The following FRAS1 variants were observed in gnomAD, a reference collection of about 807,000 sequenced individuals.
The protein encoded by FRAS1 is extracellular matrix organizing protein FRAS1.
In FRAS1, 290 loss-of-function variants were observed where a neutral mutation model predicts 435.2. That is an observed-to-expected ratio of 0.67 (90% CI 0.61 to 0.73). FRAS1 has a LOEUF of 0.73. Ranked by LOEUF, FRAS1 falls within the 30% of genes least tolerant of loss-of-function variation. The probability of loss-of-function intolerance (pLI) is 0.00; values close to 1 mark genes in which losing one functional copy is unlikely to be tolerated. For missense variants in FRAS1, 4,860 were observed against 5,001.5 expected, an observed-to-expected ratio of 0.97 and a Z score of 0.85; for synonymous variants, 1,800 against 1,851.0, an observed-to-expected ratio of 0.97 and a Z score of 0.71.
At chr4:78,243,055 G>A (rs182555569) in intron 3 of FRAS1, among the ~76,000 whole-genome samples, 1 of 152,268 alleles carries the variant, frequency 6.6e-6, no homozygotes. Context: ...AAGGATTTCT[G>A]GAGAATATGT....
rs369764135 is a variant in FRAS1 at position 78,470,037 on chromosome 4, G to C, written c.7317G>C (p.Thr2439=). The C allele has an allele frequency of 9.9e-6, 16 of 1,613,568 alleles. No individual in the cohort carries two copies. Among genetic ancestry groups the C allele is most frequent in the Non-Finnish European group, 1.3e-5 (15 of 1,179,782 alleles). ...ACATCCTCCCGGTAGATGATGGCAC[G>C]CCTAGAATTGTCACCAACCTGGGAC... ...RVDILPVDDG[T]PRIVTNLGLQ... The change falls in exon 51 of 74, where the codon ACG becomes ACC. Residue 2439 remains threonine, a synonymous_variant. Coordinates refer to ENST00000512123, the MANE Select transcript of FRAS1 (RefSeq NM_025074.7).
chr4:78,367,313 G>A (rs1326510859), intron 22 of FRAS1, among the ~76,000 whole-genome samples: 1 of 151,886 alleles, frequency 6.6e-6, no homozygotes, highest in African/African-American at 2.4e-5. Context: ...TCTGAAGCAG[G>A]TTTGCTTGAG....
rs1441540493 is a variant in FRAS1, at chr4:78,544,051, T to C, written c.*2927T>C. The C allele has an allele frequency of 1.3e-5, 2 of 151,872 alleles. No homozygotes were observed. The highest frequency in any genetic ancestry group is 1.3e-4 in the Admixed American group (2 of 15,280). 9.4% of individuals were successfully genotyped at this position (151,872 alleles called of 1,614,324 possible). A position where few individuals can be genotyped will look rare whatever the true frequency, so the allele number is the denominator to read the frequency against. On this transcript the variant is annotated 3_prime_UTR_variant, in exon 74 of 74. Transcript: ENST00000512123. ...GTTGGAATGTGTTTGCACAGTCTTA[T>C]GATATTCAGTCTCAGTCTGCTATAG...
At chr4:78,164,042 T>C (rs1388529129) in intron 2 of FRAS1, among the ~76,000 whole-genome samples, 1 of 152,168 alleles carries the variant, frequency 6.6e-6, no homozygotes, top group Non-Finnish European at 1.5e-5. Context: ...TTGGGTTCAA[T>C]AAGCTGGCGA....
chr4:78,192,238 T>C (rs1465567838), intron 2 of FRAS1, among the ~76,000 whole-genome samples: 1 of 152,274 alleles, frequency 6.6e-6, no homozygotes, highest in African/African-American at 2.4e-5. Flanking sequence ...TGGTCTAAAA[T>C]TGTCTTTTTT....
At chr4:78,077,943 G>A (rs972427562) in intron 2 of FRAS1, among the ~76,000 whole-genome samples, 1 of 150,736 alleles carries the variant, frequency 6.6e-6, no homozygotes, top group Admixed American at 6.6e-5. Flanking sequence ...GAGAGAATGG[G>A]AAGAAAACTC....
chr4:78,178,433 C>G (rs1169609795), intron 2 of FRAS1, among the ~76,000 whole-genome samples: 1 of 152,174 alleles, frequency 6.6e-6, no homozygotes, highest in East Asian at 1.9e-4. Context: ...GTAGTGATAT[C>G]TCACATATAA....
chr4:78,114,740 G>C (rs1201668997), intron 2 of FRAS1, among the ~76,000 whole-genome samples: 4 of 152,200 alleles, frequency 2.6e-5, no homozygotes, highest in Non-Finnish European at 5.9e-5. Context: ...TGATACGATG[G>C]GGTTTTCTAG....
chr4:78,306,115 C>G (rs979116614), intron 14 of FRAS1, among the ~76,000 whole-genome samples: 3 of 152,006 alleles, frequency 2.0e-5, no homozygotes, highest in Non-Finnish European at 4.4e-5. Context: ...TTCTTCTTCA[C>G]TTATGAAGGT....
intron 2 of FRAS1, among the ~76,000 whole-genome samples, chr4:78,235,442 T>C (rs2110112538): frequency 6.6e-6 from 1 of 152,332 alleles, no homozygotes; most frequent in East Asian, 1.9e-4. Context: ...TACTCTTCCC[T>C]AAAGTATTTT....
chr4:78,445,442 T>A, intron 41 of FRAS1, 80 bp from the exon 42 acceptor site: 1 of 1,436,274 alleles, frequency 7.0e-7, no homozygotes, highest in Non-Finnish European at 9.2e-7. Flanking sequence ...TTGCCGAAAA[T>A]GATACCTTGT....
At chr4:78,131,045 T>G (rs1328225882) in intron 2 of FRAS1, among the ~76,000 whole-genome samples, 1 of 152,210 alleles carries the variant, frequency 6.6e-6, no homozygotes, top group Non-Finnish European at 1.5e-5. Flanking sequence ...TATTAACACA[T>G]GAACTAAAAA....
intron 13 of FRAS1, 34 bp downstream of exon 13, chr4:78,284,582 G>T (rs772579977): frequency 6.3e-7 from 1 of 1,581,684 alleles, no homozygotes; most frequent in Admixed American, 1.8e-5. Context: ...AGAGGTGGTG[G>T]TGTGTGGGAG....
intron 2 of FRAS1, among the ~76,000 whole-genome samples, chr4:78,210,444 C>A (rs151056872): frequency 1.2e-3 from 186 of 152,340 alleles, no homozygotes; most frequent in Admixed American, 4.6e-3. Context: ...GGAGTCTCAG[C>A]ACCAAATACA....
chr4:78,116,050 A>C (rs1214515052), intron 2 of FRAS1, among the ~76,000 whole-genome samples: 1 of 152,190 alleles, frequency 6.6e-6, no homozygotes, highest in Non-Finnish European at 1.5e-5. Context: ...CATTGGTTTC[A>C]AAGAACATCT....
intron 2 of FRAS1, among the ~76,000 whole-genome samples, chr4:78,066,894 T>C (rs1389918238): frequency 6.6e-6 from 1 of 152,210 alleles, no homozygotes; most frequent in Non-Finnish European, 1.5e-5. Context: ...CACCATAATA[T>C]CCTTGAATCT....
chr4:78,177,307 TA>T (rs1408976802), intron 2 of FRAS1, among the ~76,000 whole-genome samples: 1 of 152,224 alleles, frequency 6.6e-6, no homozygotes, highest in Non-Finnish European at 1.5e-5. Context: ...TTATGAAAGC[TA>T]AATGGTAGTA....
chr4:78,345,392 A>C (rs1167247417), intron 20 of FRAS1, among the ~76,000 whole-genome samples: 1 of 152,122 alleles, frequency 6.6e-6, no homozygotes, highest in Non-Finnish European at 1.5e-5. Flanking sequence ...AGCTGTCCTC[A>C]TATCTAATCC....
chr4:78,308,595 A>G (rs994847321), intron 15 of FRAS1, among the ~76,000 whole-genome samples: 4 of 152,220 alleles, frequency 2.6e-5, no homozygotes, highest in African/African-American at 9.7e-5. Flanking sequence ...CAAAGAGACT[A>G]TTAGGCCAGC....
Sources: gnomAD v4.1 joint callset for allele counts (sites outside exome capture counted in the v4.1 genomes callset) on GRCh38, gnomAD v4.1.1 for gene constraint, MANE v1.5 for transcripts, NCBI Gene and HGNC (gene_info 2026-07-23, HGNC 2026-07-21) for gene names.